The following DPH6 variants were observed in gnomAD, a reference collection of about 807,000 sequenced individuals.
DPH6 encodes the protein diphthine--ammonia ligase.
A neutral mutation model predicts 38.2 loss-of-function variants in DPH6; 33 were observed. The ratio of observed to expected loss-of-function variants is 0.86; its 90% CI spans 0.65 to 1.15. The LOEUF (loss-of-function observed/expected upper bound fraction) is 1.15. Ranked by LOEUF, DPH6 falls within the 50% of genes most tolerant of loss-of-function variation. The pLI is 0.00. For synonymous variants in DPH6, 108 were observed against 103.0 expected (o/e 1.05, Z -0.30); for missense variants, 325 against 320.0 (o/e 1.02, Z -0.12).
At chr15:35,532,351 T>C (rs1437484464) in intron 3 of DPH6, among the ~76,000 whole-genome samples, 3 of 152,136 alleles carry the variant, frequency 2.0e-5, no homozygotes, top group Non-Finnish European at 4.4e-5. Flanking sequence ...TGAAGGCAAG[T>C]TGATTAGGAG....
intron 3 of DPH6, among the ~76,000 whole-genome samples, chr15:35,229,209 G>A (rs574397234): frequency 6.6e-6 from 1 of 151,812 alleles, no homozygotes; most frequent in Non-Finnish European, 1.5e-5. Context: ...CTATTTTCTC[G>A]ATCTTGTAGG....
intron 5 of DPH6, among the ~76,000 whole-genome samples, chr15:35,446,229 C>T (rs865983371): frequency 2.1e-5 from 2 of 95,026 alleles, no homozygotes; most frequent in African/African-American, 4.2e-5. Context: ...TTTTTTTTTC[C>T]TTTTTTTTTT....
chr15:35,165,846 T>C, the DPH6 span, among the ~76,000 whole-genome samples: 1 of 151,968 alleles, frequency 6.6e-6, no homozygotes, highest in Admixed American at 6.6e-5. Context: ...CTATAGAGTA[T>C]ACAAGATTTA....
chr15:35,157,871 A>T, the DPH6 span, among the ~76,000 whole-genome samples: 1 of 152,082 alleles, frequency 6.6e-6, no homozygotes, highest in South Asian at 2.1e-4. Flanking sequence ...TTTAAATTTT[A>T]GGCTGAATGG....
At chr15:35,480,124 AC>A (rs1034775001) in intron 3 of DPH6, among the ~76,000 whole-genome samples, 46 of 152,048 alleles carry the variant, frequency 3.0e-4, no homozygotes, top group Non-Finnish European at 4.4e-5. Context: ...TTGAAAAAAA[AC>A]AAAATAAAAA....
intron 3 of DPH6, among the ~76,000 whole-genome samples, chr15:35,474,103 A>T (rs1398424506): frequency 6.6e-6 from 1 of 152,192 alleles, no homozygotes; most frequent in African/African-American, 2.4e-5. Context: ...ATTTTGAACC[A>T]AGTGACTGTG....
intron 3 of DPH6, among the ~76,000 whole-genome samples, chr15:35,293,281 G>A (rs2051991633): frequency 6.6e-6 from 1 of 152,090 alleles, no homozygotes; most frequent in South Asian, 2.1e-4. Flanking sequence ...GAATAATTTA[G>A]TTATCTCTTT....
chr15:35,529,241 A>G, intron 3 of DPH6, among the ~76,000 whole-genome samples: 1 of 152,166 alleles, frequency 6.6e-6, no homozygotes, highest in Non-Finnish European at 1.5e-5. Flanking sequence ...TTCTGCTTCT[A>G]GGGAGGCCTC....
chr15:35,433,134 G>A (rs2053653105), intron 5 of DPH6, among the ~76,000 whole-genome samples: 1 of 152,124 alleles, frequency 6.6e-6, no homozygotes, highest in Non-Finnish European at 1.5e-5. Context: ...AAATACAAAT[G>A]TCAAATTCAT....
Position 35,489,666 on chromosome 15 carries a change from C to T in DPH6, c.313-34846G>A, listed in dbSNP as rs926880936. The T allele has an allele frequency of 5.1e-6, 5 of 974,204 alleles. No homozygotes were observed. In the African/African-American group the frequency reaches 8.8e-5, roughly 17 times the overall value. 60.3% of individuals were successfully genotyped at this position (974,204 alleles called of 1,614,324 possible). Reference sequence around the variant, plus strand: ...TAAAAAAATACCCTAAGGCATACAACAGTGTATACAGAATAAGATCTCTTT... The same window carrying T: ...TAAAAAAATACCCTAAGGCATACAATAGTGTATACAGAATAAGATCTCTTT... On this transcript the variant is annotated intron_variant, in intron 3 of 8. Transcript: ENST00000256538.
chr15:35,217,417 T>C lies in DPH6; in HGVS notation n.3366A>G, dbSNP rs180765751. Reference sequence around the variant, plus strand: ...GCCCAGGCTGGAGTGCAATGGCGGATCTCGGCTCATTGCAACCTCTGCCTC... The same window carrying C: ...GCCCAGGCTGGAGTGCAATGGCGGACCTCGGCTCATTGCAACCTCTGCCTC... On this transcript the variant is annotated non_coding_transcript_exon_variant, in exon 4 of 4. Coordinates refer to the DPH6 transcript ENST00000560386. 1.2e-4 allele frequency: 18 copies of C among 152,524 alleles called. No homozygotes were observed. In the East Asian group the frequency reaches 3.1e-3, roughly 26 times the overall value. The allele number at this position is 152,524 out of a possible 1,614,324, so 9.4% of individuals were successfully genotyped here.
chr15:35,303,996 G>T (rs1206791153), intron 3 of DPH6, among the ~76,000 whole-genome samples: 1 of 151,854 alleles, frequency 6.6e-6, no homozygotes, highest in Non-Finnish European at 1.5e-5. Flanking sequence ...GCCATTACTT[G>T]GCAAAGTAGT....
At chr15:35,478,938 C>T (rs2054295020) in intron 3 of DPH6, among the ~76,000 whole-genome samples, 1 of 151,930 alleles carries the variant, frequency 6.6e-6, no homozygotes, top group South Asian at 2.1e-4. Context: ...ATTTTATAAA[C>T]TGATATATTA....
chr15:35,284,408 G>T (rs1278361646), intron 3 of DPH6, among the ~76,000 whole-genome samples: 2 of 151,926 alleles, frequency 1.3e-5, no homozygotes, highest in African/African-American at 2.4e-5. Flanking sequence ...TCCTGAAATA[G>T]TCCAAGGAGA....
chr15:35,174,717 C>T, the DPH6 span, among the ~76,000 whole-genome samples: 781 of 152,192 alleles, frequency 5.1e-3, 3 homozygotes, highest in South Asian at 0.013. Flanking sequence ...TCCTTTTTCT[C>T]TAGGGAGAAG....
chr15:35,291,357 A>T (rs1016836007), intron 3 of DPH6, among the ~76,000 whole-genome samples: 1 of 152,092 alleles, frequency 6.6e-6, no homozygotes, highest in Non-Finnish European at 1.5e-5. Flanking sequence ...TAAATTATTT[A>T]TTTTACCTTC....
chr15:35,326,006 T>C (rs1357045049), downstream of DPH6, among the ~76,000 whole-genome samples: 3 of 152,036 alleles, frequency 2.0e-5, no homozygotes, highest in Non-Finnish European at 4.4e-5. Flanking sequence ...GATACCACAA[T>C]ATACCAATCA....
chr15:35,284,572 A>G (rs1037364953), intron 3 of DPH6, among the ~76,000 whole-genome samples: 1 of 150,712 alleles, frequency 6.6e-6, no homozygotes, highest in African/African-American at 2.4e-5. Context: ...AATTATATAT[A>G]TAATAAAAAT....
At chr15:35,255,398 CTA>C (rs1249181398) in intron 3 of DPH6, among the ~76,000 whole-genome samples, 2 of 152,154 alleles carry the variant, frequency 1.3e-5, no homozygotes, top group Admixed American at 1.3e-4. Flanking sequence ...GGGCTGAAGA[CTA>C]TTTCTAACCA....
Sources: allele counts gnomAD v4.1 joint callset (sites outside exome capture counted in the v4.1 genomes callset), GRCh38; gene constraint gnomAD v4.1.1; transcripts MANE v1.5; gene names NCBI Gene and HGNC (gene_info 2026-07-23, HGNC 2026-07-21).